Variants in APBA1 observed in about 807,000 individuals in gnomAD.
APBA1 encodes the protein amyloid beta precursor protein binding family A member 1.
Under a neutral mutation model 86.6 loss-of-function variants are expected in APBA1, and 55 were observed. That is an observed-to-expected ratio of 0.64 (90% CI 0.51 to 0.80). The LOEUF (loss-of-function observed/expected upper bound fraction) is 0.80, where lower values mean the gene tolerates loss of function less well. Ranked by LOEUF, APBA1 falls within the 30% of genes least tolerant of loss-of-function variation. The pLI, the probability that APBA1 is intolerant of heterozygous loss-of-function variation, is 0.00. For synonymous variants in APBA1, 511 were observed against 493.9 expected (o/e 1.03, Z -0.46); for missense variants, 1,090 against 1,183.0 (o/e 0.92, Z 1.15).
intron 5 of APBA1, chr9:69,461,490 A>G (rs28564328): frequency 0.25 from 38,051 of 152,114 alleles, 5,983 homozygotes; most frequent in African/African-American, 0.44. Context: ...AGAATCCTTC[A>G]AAGTATTTCA....
chr9:69,531,284 A>T (rs1422388563), intron 1 of APBA1, among the ~76,000 whole-genome samples: 1 of 152,114 alleles, frequency 6.6e-6, no homozygotes, highest in Non-Finnish European at 1.5e-5. Context: ...TTGCAGAATA[A>T]TTTGGCTGTG....
At chr9:69,490,765 G>T (rs984231847) in intron 2 of APBA1, among the ~76,000 whole-genome samples, 1 of 151,902 alleles carries the variant, frequency 6.6e-6, no homozygotes, top group Non-Finnish European at 1.5e-5. Flanking sequence ...CAAGAAAAAA[G>T]CAAACAACCC....
chr9:69,466,598 C>T (rs1835284249), intron 5 of APBA1, among the ~76,000 whole-genome samples: 1 of 152,216 alleles, frequency 6.6e-6, no homozygotes, highest in East Asian at 1.9e-4. Flanking sequence ...TTGTCATTCC[C>T]TCATTCATAC....
At chr9:69,470,721 G>A (rs560628305) in intron 4 of APBA1, among the ~76,000 whole-genome samples, 11 of 152,144 alleles carry the variant, frequency 7.2e-5, no homozygotes, top group African/African-American at 1.9e-4. Context: ...ATGTCTGGGC[G>A]TTCTCTGGCC....
intron 1 of APBA1, among the ~76,000 whole-genome samples, chr9:69,596,998 G>A (rs1822242089): frequency 6.6e-6 from 1 of 152,222 alleles, no homozygotes; most frequent in African/African-American, 2.4e-5. Flanking sequence ...GTGCAACACT[G>A]ACCTTGGTTA....
At chr9:69,545,983 A>G (rs1347555020) in intron 1 of APBA1, among the ~76,000 whole-genome samples, 1 of 152,180 alleles carries the variant, frequency 6.6e-6, no homozygotes, top group Non-Finnish European at 1.5e-5. Flanking sequence ...GAGGGAAAAC[A>G]CTTTTTTATT....
chr9:69,651,578 C>T (rs181347693), intron 1 of APBA1, among the ~76,000 whole-genome samples: 4 of 151,998 alleles, frequency 2.6e-5, no homozygotes, highest in Non-Finnish European at 4.4e-5. Context: ...TGGGTTCAAG[C>T]GATTCTCCTG....
intron 1 of APBA1, among the ~76,000 whole-genome samples, chr9:69,534,307 T>C (rs1836475864): frequency 1.3e-5 from 2 of 152,336 alleles, no homozygotes; most frequent in South Asian, 4.1e-4. Context: ...GAACTACATT[T>C]ATAAACTCTC....
In APBA1 at chr9:69,516,306, C is replaced by T. The variant is rs1443545402; in HGVS notation, c.905G>A (p.Arg302His). Residue 302 changes from arginine (R) to histidine (H), a missense_variant, in exon 2 of 13, where the codon CGT becomes CAT. Physicochemically the swap from Arg to His is conservative, Grantham distance 29. Transcript: ENST00000265381. The surrounding 1 kb of genome is among the most constrained non-coding windows in gnomAD (Gnocchi z 7.3). ...DMPEAEQDLERPPTPAGGRPD... is the reference protein window; with the variant it reads ...DMPEAEQDLEHPPTPAGGRPD... The stretch of plus-strand genomic sequence containing the variant: ...GCGACCCCCGGCCGGGGTAGGGGGA[C>T]GCTCCAGGTCCTGCTCGGCCTCAGG... The T allele has an allele frequency of 5.1e-6, 8 of 1,569,240 alleles. No individual in the cohort carries two copies. Among genetic ancestry groups the T allele is most frequent in the Admixed American group, 1.8e-5 (1 of 56,564 alleles).
In APBA1 at chr9:69,458,136, T is replaced by C. The variant is rs1588296094; in HGVS notation, c.1515+20A>G. On this transcript the variant is annotated intron_variant, in intron 6 of 12. Transcript: ENST00000265381. ...AAGAACAGGCATAACACCAAGCTGA[T>C]GAAGTTGTTTGTACTGCACCTTCTT... 1.2e-6 allele frequency: 2 copies of C among 1,602,172 alleles called. No individual in the cohort carries two copies. Among genetic ancestry groups the C allele is most frequent in the African/African-American group, 1.3e-5 (1 of 74,248 alleles).
At chr9:69,514,615 A>G (rs1220060229) in intron 2 of APBA1, among the ~76,000 whole-genome samples, 2 of 151,866 alleles carry the variant, frequency 1.3e-5, no homozygotes, top group Non-Finnish European at 2.9e-5. Context: ...AACAAAAAAA[A>G]TTGCAGAAAC....
At chr9:69,526,301 G>A (rs1185838470) in intron 1 of APBA1, among the ~76,000 whole-genome samples, 1 of 151,898 alleles carries the variant, frequency 6.6e-6, no homozygotes, top group Non-Finnish European at 1.5e-5. Context: ...TAGAAAGAGC[G>A]AAAATATTTG....
chr9:69,559,968 C>A (rs781545596), intron 1 of APBA1, among the ~76,000 whole-genome samples: 15 of 152,284 alleles, frequency 9.9e-5, no homozygotes, highest in South Asian at 2.1e-4. Flanking sequence ...CACCAGTATA[C>A]CAGGACATGG....
chr9:69,613,029 C>T (rs2133983485), intron 1 of APBA1, among the ~76,000 whole-genome samples: 1 of 152,090 alleles, frequency 6.6e-6, no homozygotes, highest in South Asian at 2.1e-4. Flanking sequence ...AACTAAAAGT[C>T]TAGCCTGTTG....
intron 2 of APBA1, among the ~76,000 whole-genome samples, chr9:69,491,312 G>A (rs185168704): frequency 2.6e-5 from 4 of 152,158 alleles, no homozygotes; most frequent in East Asian, 3.9e-4. Flanking sequence ...GTAGGGACAC[G>A]AGTGAAGCTG....
In APBA1 at chr9:69,437,327, G is replaced by T. The variant is rs546098099; in HGVS notation, c.2301+3669C>A. Among the ~76,000 whole-genome samples the T allele has an allele frequency of 2.8e-3, 421 of 150,728 alleles. 14 individuals are homozygous for T. Among genetic ancestry groups the T allele is most frequent in the African/African-American group, 9.4e-3 (380 of 40,598 alleles). ...AGGGAGGATTCCCTCTTTTTCTATT[G>T]ATTGGAATAGTTTCAGAAGGAATGC... On this transcript the variant is annotated intron_variant, in intron 11 of 12. Transcript: ENST00000265381.
At chr9:69,466,421 C>G (rs1017887497) in intron 5 of APBA1, among the ~76,000 whole-genome samples, 1 of 152,246 alleles carries the variant, frequency 6.6e-6, no homozygotes, top group African/African-American at 2.4e-5. Context: ...CTCTCCTCTG[C>G]AAGCACCTCT....
intron 5 of APBA1, chr9:69,460,732 GA>G (rs1303074299): frequency 6.7e-6 from 1 of 150,046 alleles, no homozygotes; most frequent in African/African-American, 2.5e-5. Flanking sequence ...AAGGTATTCT[GA>G]AACTTTTTTT....
chr9:69,456,875 A>G (rs1385121185), intron 7 of APBA1, among the ~76,000 whole-genome samples, 178 bp downstream of exon 7: 2 of 152,176 alleles, frequency 1.3e-5, no homozygotes, highest in Non-Finnish European at 2.9e-5. Flanking sequence ...GGGCTTTAAG[A>G]AAGCAATCCC....
Sources: gnomAD v4.1 joint callset for allele counts (sites outside exome capture counted in the v4.1 genomes callset) on GRCh38, gnomAD v4.1.1 for gene constraint, Gnocchi (gnomAD v3.1) non-coding constraint, MANE v1.5 for transcripts, NCBI Gene and HGNC (gene_info 2026-07-23, HGNC 2026-07-21) for gene names.